SRFBP1: variants seen among roughly 807,000 people sequenced by gnomAD.
SRFBP1 encodes serum response factor-binding protein 1.
Under a neutral mutation model 45.5 loss-of-function variants are expected in SRFBP1, and 47 were observed. The observed-to-expected ratio is 1.03, with a 90% CI of 0.82 to 1.32. The LOEUF (loss-of-function observed/expected upper bound fraction) is 1.32, where lower values mean the gene tolerates loss of function less well. SRFBP1 is among the 40% of genes most tolerant of loss of function. SRFBP1 has a pLI of 0.00. For synonymous variants in SRFBP1, 203 were observed against 166.3 expected, an observed-to-expected ratio of 1.22 and a Z score of -1.70; for missense variants, 621 against 484.6, an observed-to-expected ratio of 1.28 and a Z score of -2.64.
chr5:122,004,967 T>C (rs1752947278), intron 4 of SRFBP1, among the ~76,000 whole-genome samples: 1 of 152,206 alleles, frequency 6.6e-6, no homozygotes, highest in Non-Finnish European at 1.5e-5. Flanking sequence ...AAAAATTCCT[T>C]CTGTTATTGA....
At chr5:122,070,469 A>G (rs938632736) in intron 2 of SRFBP1, 3 of 1,259,724 alleles carry the variant, frequency 2.4e-6, no homozygotes, top group Admixed American at 1.8e-5. Context: ...ATATCAATAT[A>G]TGATATATTT....
At chr5:121,992,350 C>T (rs772208170) in intron 3 of SRFBP1, among the ~76,000 whole-genome samples, 4 of 151,994 alleles carry the variant, frequency 2.6e-5, no homozygotes, top group Non-Finnish European at 4.4e-5. Context: ...CTTCTCCCCC[C>T]TCCACCTCCA....
At chr5:122,001,422 T>G (rs1752865776) in intron 4 of SRFBP1, among the ~76,000 whole-genome samples, 1 of 149,664 alleles carries the variant, frequency 6.7e-6, no homozygotes, top group Non-Finnish European at 1.5e-5. Context: ...TTTTTATTTT[T>G]ATTTTTCTCA....
chr5:122,058,345 G>A lies in SRFBP1; in HGVS notation n.312-16970G>A, dbSNP rs563646397. ...TTATTACTGGCTTAAGAAAATTTTT[G>A]TATCTTTTACATAATTAGTTTTTTG... On this transcript the variant is annotated intron_variant and non_coding_transcript_variant, in intron 2 of 2. Transcript: ENST00000504881. Among the ~76,000 whole-genome samples the A allele has an allele frequency of 2.6e-5, 4 of 152,156 alleles. No individual in the cohort carries two copies. In the South Asian group the frequency reaches 8.3e-4, roughly 32 times the overall value.
chr5:122,008,178 TGGCCCGAAGCCTGG>T (rs1174698598), intron 4 of SRFBP1, among the ~76,000 whole-genome samples: 7 of 152,070 alleles, frequency 4.6e-5, no homozygotes, highest in African/African-American at 7.2e-5. Context: ...AGCCTAGGGC[TGGCCCGAAGCCTGG>T]GGCCATGGGG....
At position 122,020,802 on chromosome 5, in the gene SRFBP1, G is replaced by A. The variant is rs1179090352; in HGVS notation, c.1067G>A (p.Arg356Lys). 1 of 1,540,694 alleles carries A rather than the reference G, an allele frequency of 6.5e-7. No individual in the cohort carries two copies. The highest frequency in any genetic ancestry group is 1.3e-5 in the South Asian group (1 of 78,064). The change falls in exon 6 of 8, where the codon AGA (arginine) becomes AAA (lysine). Residue 356 changes from arginine (R) to lysine (K), a missense_variant and splice_region_variant. Physicochemically the swap from Arg to Lys is conservative, Grantham distance 26. Transcript: ENST00000339397. ...HSLSGSKSSR[R>K]NFKEQAPKTR... is the part of the protein sequence containing the mutation. ...TTATCTGGATCTAAAAGCTCTAGAA[G>A]GTAAGATTCTTTTTCTATTCTGAAA...
chr5:122,044,611 G>C (rs1325846691), intron 2 of SRFBP1, among the ~76,000 whole-genome samples: 1 of 152,012 alleles, frequency 6.6e-6, no homozygotes, highest in Non-Finnish European at 1.5e-5. Flanking sequence ...GATTAGTGAT[G>C]TTGAGCATTT....
chr5:122,060,260 A>G (rs1033604110), intron 2 of SRFBP1, among the ~76,000 whole-genome samples: 2 of 152,044 alleles, frequency 1.3e-5, no homozygotes, highest in East Asian at 1.9e-4. Context: ...CTGGAAGGAA[A>G]TATTTTGAGT....
chr5:122,074,231 T>C (rs1754548407), intron 2 of SRFBP1: 2 of 1,397,574 alleles, frequency 1.4e-6, no homozygotes, highest in African/African-American at 1.4e-5. Context: ...AATGAAGATA[T>C]TAAATGACTT....
chr5:121,995,935 C>T (rs913700903), intron 4 of SRFBP1, among the ~76,000 whole-genome samples: 6 of 152,258 alleles, frequency 3.9e-5, no homozygotes, highest in African/African-American at 1.4e-4. Flanking sequence ...AATTCCTCGA[C>T]ACATACACTC....
rs1427022620 is a variant in SRFBP1 at position 122,026,961 on chromosome 5, T to A, written c.1125T>A (p.Pro375=). The part of the protein sequence containing the change: ...TRSLDFPQNE[P]QIKNQFNKKL... The stretch of plus-strand genomic sequence containing the variant: ...TCCTAGATTTTCCACAGAATGAGCC[T>A]CAGATCAAGAATCAGTTTAATAAGA... The change falls in exon 8 of 8, where the codon CCT becomes CCA. Residue 375 remains proline, a synonymous_variant. Transcript: ENST00000339397. 1.2e-6 allele frequency: 2 copies of A among 1,611,782 alleles called. No homozygotes were observed. The highest frequency in any genetic ancestry group is 1.7e-6 in the Non-Finnish European group (2 of 1,179,252).
At chr5:122,063,972 T>C (rs1393237263) in intron 2 of SRFBP1, 2 of 151,902 alleles carry the variant, frequency 1.3e-5, no homozygotes, top group African/African-American at 2.4e-5. Flanking sequence ...AATAGGCAAG[T>C]TGTATTCTCA....
At chr5:121,990,811 T>C (rs981470951) in intron 3 of SRFBP1, among the ~76,000 whole-genome samples, 1 of 152,216 alleles carries the variant, frequency 6.6e-6, no homozygotes, top group Admixed American at 6.5e-5. Flanking sequence ...CATTTTCTTT[T>C]GACTACATGT....
At chr5:121,995,979 TTAG>T (rs1481836652) in intron 4 of SRFBP1, among the ~76,000 whole-genome samples, 2 of 152,284 alleles carry the variant, frequency 1.3e-5, no homozygotes, top group South Asian at 2.1e-4. Flanking sequence ...GTTGAATCTC[TTAG>T]TAGACCAATA....
At chr5:121,996,943 C>A (rs148543595) in intron 4 of SRFBP1, among the ~76,000 whole-genome samples, 111,941 of 138,450 alleles carry the variant, frequency 0.81, 45,971 homozygotes, top group East Asian at 0.96. Flanking sequence ...AATACCTAGG[C>A]ATCCAACTTA....
intron 2 of SRFBP1, chr5:122,074,236 T>C: frequency 7.3e-7 from 1 of 1,376,322 alleles, no homozygotes; most frequent in South Asian, 1.3e-5. Context: ...AGATATTAAA[T>C]GACTTCCCCC....
At chr5:121,999,873 C>A (rs1032624112) in intron 4 of SRFBP1, among the ~76,000 whole-genome samples, 23 of 152,056 alleles carry the variant, frequency 1.5e-4, no homozygotes, top group African/African-American at 5.5e-4. Flanking sequence ...ATACTTGGAT[C>A]ATGCTTTTTA....
chr5:122,047,831 T>G, intron 2 of SRFBP1, among the ~76,000 whole-genome samples: 1 of 152,232 alleles, frequency 6.6e-6, no homozygotes, highest in African/African-American at 2.4e-5. Flanking sequence ...AGTTCACTCA[T>G]GATTTGGCTC....
intron 2 of SRFBP1, among the ~76,000 whole-genome samples, chr5:122,054,830 T>C (rs1446666735): frequency 6.6e-6 from 1 of 152,220 alleles, no homozygotes; most frequent in East Asian, 1.9e-4. Flanking sequence ...GCTATAAAAA[T>C]ATGAAGAAAT....
Sources: gnomAD v4.1 joint callset for allele counts (sites outside exome capture counted in the v4.1 genomes callset) on GRCh38, gnomAD v4.1.1 for gene constraint, MANE v1.5 for transcripts, NCBI Gene and HGNC (gene_info 2026-07-23, HGNC 2026-07-21) for gene names.